The following MICU1 variants were observed in gnomAD, a reference collection of about 807,000 sequenced individuals.
The protein encoded by MICU1 is calcium uptake protein 1, mitochondrial.
A neutral mutation model predicts 56.8 loss-of-function variants in MICU1; 45 were observed. The ratio of observed to expected loss-of-function variants is 0.79; its 90% CI spans 0.62 to 1.02. The LOEUF (loss-of-function observed/expected upper bound fraction) is 1.02, where lower values mean the gene tolerates loss of function less well. Among genes scored for constraint, MICU1 ranks in the 50% least tolerant of loss-of-function variants. The pLI is 0.00. For missense variants in MICU1, 504 were observed against 587.1 expected, an observed-to-expected ratio of 0.86 and a Z score of 1.46; for synonymous variants, 186 against 195.1, an observed-to-expected ratio of 0.95 and a Z score of 0.39.
chr10:72,503,893 CACACACAT>C (rs1319745477), intron 6 of MICU1, among the ~76,000 whole-genome samples: 1 of 150,806 alleles, frequency 6.6e-6, no homozygotes, highest in Non-Finnish European at 1.5e-5. Flanking sequence ...CACACACACA[CACACACAT>C]ACACCCTAGG....
At chr10:72,481,801 C>T (rs1289047956) in intron 6 of MICU1, among the ~76,000 whole-genome samples, 4 of 152,168 alleles carry the variant, frequency 2.6e-5, no homozygotes, top group Admixed American at 1.3e-4. Flanking sequence ...ACTTTCTACA[C>T]GATTTCCAAA....
chr10:72,516,439 T>C (rs908144652), intron 5 of MICU1, among the ~76,000 whole-genome samples: 1 of 152,234 alleles, frequency 6.6e-6, no homozygotes, highest in Admixed American at 6.5e-5. Flanking sequence ...TTTAGTTTAA[T>C]TGGATCCTAT....
At chr10:72,442,067 T>G (rs1003531791) in intron 8 of MICU1, among the ~76,000 whole-genome samples, 1 of 152,104 alleles carries the variant, frequency 6.6e-6, no homozygotes, top group Non-Finnish European at 1.5e-5. Flanking sequence ...GCAAAGAGGG[T>G]ATCCATTTTC....
chr10:72,505,217 G>C (rs1867206722), intron 6 of MICU1, among the ~76,000 whole-genome samples: 1 of 151,998 alleles, frequency 6.6e-6, no homozygotes, highest in Non-Finnish European at 1.5e-5. Flanking sequence ...GACCTCAAGT[G>C]ATCTGCCTGC....
At chr10:72,615,554 G>A (rs924847169) in intron 1 of MICU1, among the ~76,000 whole-genome samples, 17 of 152,100 alleles carry the variant, frequency 1.1e-4, no homozygotes, top group Non-Finnish European at 8.8e-5. Context: ...TATATTTCAT[G>A]AGTCTTGTCT....
intron 1 of MICU1, among the ~76,000 whole-genome samples, chr10:72,602,142 G>A (rs779730106): frequency 6.6e-6 from 1 of 151,644 alleles, no homozygotes; most frequent in Non-Finnish European, 1.5e-5. Context: ...TACAAAAGCT[G>A]TTATTAGGAT....
intron 1 of MICU1, among the ~76,000 whole-genome samples, chr10:72,568,747 C>CTTTTTT (rs72319510): frequency 3.1e-4 from 17 of 55,492 alleles, no homozygotes; most frequent in African/African-American, 4.9e-4. Context: ...AGTTCTTATT[C>CTTTTTT]TTTTTTTTTT....
intron 9 of MICU1, among the ~76,000 whole-genome samples, chr10:72,415,013 G>GT (rs71018285): frequency 0.01 from 1,191 of 114,206 alleles, 12 homozygotes; most frequent in Middle Eastern, 0.023. Flanking sequence ...CTCCTGCTTA[G>GT]TTTTTTTTTT....
chr10:72,569,493 C>T (rs71479452), intron 1 of MICU1, among the ~76,000 whole-genome samples: 2,460 of 151,630 alleles, frequency 0.016, 21 homozygotes, highest in Non-Finnish European at 0.027. Context: ...CCTCGGCTTC[C>T]CAAAGTGCTG....
chr10:72,404,263 C>A (rs1360288143), intron 10 of MICU1, among the ~76,000 whole-genome samples: 1 of 152,098 alleles, frequency 6.6e-6, no homozygotes, highest in Non-Finnish European at 1.5e-5. Flanking sequence ...GAATTACAGG[C>A]GTGAGCCACC....
At chr10:72,546,353 G>A (rs1025293101) in intron 4 of MICU1, among the ~76,000 whole-genome samples, 5 of 152,172 alleles carry the variant, frequency 3.3e-5, no homozygotes, top group African/African-American at 9.7e-5. Context: ...ACCTAACTGC[G>A]TATGTGTAAC....
intron 6 of MICU1, among the ~76,000 whole-genome samples, chr10:72,483,002 T>C (rs1203231070): frequency 6.6e-6 from 1 of 151,756 alleles, no homozygotes; most frequent in Non-Finnish European, 1.5e-5. Context: ...ATTACAGGCA[T>C]GCGCCACCAT....
intron 10 of MICU1, among the ~76,000 whole-genome samples, chr10:72,401,303 TG>T (rs1863447337): frequency 6.6e-6 from 1 of 152,234 alleles, no homozygotes; most frequent in Admixed American, 6.5e-5. Context: ...TACAATGTGA[TG>T]TTTTGACATA....
At chr10:72,512,649 A>C (rs1346208022) in intron 5 of MICU1, among the ~76,000 whole-genome samples, 2 of 151,944 alleles carry the variant, frequency 1.3e-5, no homozygotes, top group African/African-American at 4.8e-5. Flanking sequence ...AAGGAGAGGA[A>C]CTGCTGGGTC....
At chr10:72,562,745 C>T (rs1024527257) in intron 3 of MICU1, 150 bp downstream of exon 3, 1 of 629,844 alleles carries the variant, frequency 1.6e-6, no homozygotes, top group African/African-American at 1.9e-5. Context: ...TCCAAGAGTA[C>T]TTTTGGCTTA....
chr10:72,585,092 T>TG (rs1841010626), intron 1 of MICU1, among the ~76,000 whole-genome samples: 1 of 150,504 alleles, frequency 6.6e-6, no homozygotes, highest in African/African-American at 2.4e-5. Context: ...GTTTTTTTTT[T>TG]TGTTTTTTTT....
intron 1 of MICU1, among the ~76,000 whole-genome samples, chr10:72,609,728 C>T (rs906705127): frequency 4.2e-5 from 6 of 143,168 alleles, no homozygotes; most frequent in East Asian, 2.1e-4. Flanking sequence ...AGCCAGACCC[C>T]GTCTCAAAAA....
chr10:72,411,331 C>CTTT (rs1170548958), intron 9 of MICU1, among the ~76,000 whole-genome samples: 7 of 142,990 alleles, frequency 4.9e-5, no homozygotes, highest in African/African-American at 1.8e-4. Context: ...TTTTACTTTT[C>CTTT]TTTTTTTTTT....
chr10:72,409,582 T>C (rs1340420220), intron 9 of MICU1, among the ~76,000 whole-genome samples: 1 of 152,116 alleles, frequency 6.6e-6, no homozygotes, highest in African/African-American at 2.4e-5. Flanking sequence ...TACCAGCTAT[T>C]TGGGAGGCTG....
Sources: gnomAD v4.1 joint callset for allele counts (sites outside exome capture counted in the v4.1 genomes callset) on GRCh38, gnomAD v4.1.1 for gene constraint, MANE v1.5 for transcripts, NCBI Gene and HGNC (gene_info 2026-07-23, HGNC 2026-07-21) for gene names.